The following SUGCT variants were observed in gnomAD, a reference collection of about 807,000 sequenced individuals.
SUGCT encodes succinyl-CoA:glutarate-CoA transferase.
Under a neutral mutation model 55.0 loss-of-function variants are expected in SUGCT, and 41 were observed. The observed-to-expected ratio is 0.74, with a 90% confidence interval of 0.58 to 0.97. SUGCT has a LOEUF of 0.97. Among genes scored for constraint, SUGCT ranks in the 50% least tolerant of loss-of-function variants. SUGCT has a pLI of 0.00. For missense variants in SUGCT, 568 were observed against 547.8 expected (o/e 1.04, Z -0.37); for synonymous variants, 187 against 200.4 (o/e 0.93, Z 0.56).
At chr7:40,903,922 T>C in the SUGCT span, among the ~76,000 whole-genome samples, 2 of 152,266 alleles carry the variant, frequency 1.3e-5, no homozygotes, top group South Asian at 2.1e-4. Context: ...CAGCACTTGA[T>C]ATATTTGGGA....
chr7:40,217,314 G>C (rs550560085), intron 6 of SUGCT: 2 of 334,874 alleles, frequency 6.0e-6, no homozygotes, highest in South Asian at 4.3e-5. Flanking sequence ...GGACTCAAGT[G>C]ATCCTCCCAC....
At chr7:40,848,545 T>A (rs564104545) in intron 13 of SUGCT, among the ~76,000 whole-genome samples, 1 of 151,834 alleles carries the variant, frequency 6.6e-6, no homozygotes, top group African/African-American at 2.4e-5. Flanking sequence ...CTGATGACTA[T>A]CAAAGGGTCA....
At chr7:40,931,432 C>T in the SUGCT span, among the ~76,000 whole-genome samples, 1 of 152,228 alleles carries the variant, frequency 6.6e-6, no homozygotes, top group South Asian at 2.1e-4. Flanking sequence ...TGATGCTGGC[C>T]TCATAAAATG....
chr7:40,548,186 C>CTTTTTTTTTT (rs1186226631), intron 12 of SUGCT, among the ~76,000 whole-genome samples: 161 of 104,914 alleles, frequency 1.5e-3, no homozygotes, highest in African/African-American at 2.2e-3. Context: ...TTCTTTCTTT[C>CTTTTTTTTTT]TTTTTTTTTT....
the SUGCT span, among the ~76,000 whole-genome samples, chr7:41,003,181 T>C: frequency 6.6e-6 from 1 of 152,162 alleles, no homozygotes; most frequent in Non-Finnish European, 1.5e-5. Flanking sequence ...TTCTGACATC[T>C]AAGTCCTTAG....
chr7:40,727,359 A>C (rs1786663096), intron 12 of SUGCT, among the ~76,000 whole-genome samples: 2 of 152,154 alleles, frequency 1.3e-5, no homozygotes, highest in Admixed American at 1.3e-4. Flanking sequence ...CATTTTGGAA[A>C]CTGTTTGCCA....
intron 12 of SUGCT, among the ~76,000 whole-genome samples, chr7:40,747,505 T>C (rs17438725): frequency 0.088 from 13,343 of 152,268 alleles, 703 homozygotes; most frequent in Middle Eastern, 0.16. Flanking sequence ...AAGGTAGATA[T>C]GCAAATCTTG....
At chr7:40,672,813 A>C (rs967768187) in intron 12 of SUGCT, among the ~76,000 whole-genome samples, 1 of 152,228 alleles carries the variant, frequency 6.6e-6, no homozygotes, top group Non-Finnish European at 1.5e-5. Context: ...CAATAATTTT[A>C]ATTTCATTTA....
At chr7:40,533,445 CA>C (rs1364220399) in intron 12 of SUGCT, among the ~76,000 whole-genome samples, 1 of 151,684 alleles carries the variant, frequency 6.6e-6, no homozygotes, top group Non-Finnish European at 1.5e-5. Flanking sequence ...TATATAAATC[CA>C]AAATCTTGTT....
chr7:40,517,191 C>T (rs1467502302), intron 12 of SUGCT, among the ~76,000 whole-genome samples: 3 of 147,296 alleles, frequency 2.0e-5, no homozygotes, highest in Non-Finnish European at 4.5e-5. Context: ...TTGTATCTTT[C>T]TATCATGCTA....
the SUGCT span, among the ~76,000 whole-genome samples, chr7:41,009,806 C>G: frequency 1.7e-3 from 254 of 152,264 alleles, no homozygotes; most frequent in African/African-American, 4.6e-3. Context: ...TTAACAAGTA[C>G]CCCAGATGTG....
intron 11 of SUGCT, among the ~76,000 whole-genome samples, chr7:40,482,708 G>GT (rs1554348146): frequency 1.3e-5 from 2 of 152,164 alleles, no homozygotes; most frequent in Non-Finnish European, 2.9e-5. Flanking sequence ...CCAAACCATT[G>GT]TAATATGTGA....
chr7:40,697,236 T>C (rs1784972990), intron 12 of SUGCT, among the ~76,000 whole-genome samples: 1 of 152,196 alleles, frequency 6.6e-6, no homozygotes, highest in South Asian at 2.1e-4. Flanking sequence ...ATGACTCTTT[T>C]CTGTTTATAA....
intron 12 of SUGCT, among the ~76,000 whole-genome samples, chr7:40,599,619 T>C (rs1798191719): frequency 6.6e-6 from 1 of 152,192 alleles, no homozygotes; most frequent in South Asian, 2.1e-4. Context: ...TTACTCCTTG[T>C]AGAAACAAAC....
chr7:40,463,510 C>T (rs1357911030), intron 11 of SUGCT, among the ~76,000 whole-genome samples: 1 of 152,136 alleles, frequency 6.6e-6, no homozygotes, highest in African/African-American at 2.4e-5. Context: ...AGGTGATTCT[C>T]CTATGAAAAG....
At chr7:40,967,990 A>C in the SUGCT span, 2 of 152,204 alleles carry the variant, frequency 1.3e-5, no homozygotes, top group African/African-American at 4.8e-5. Context: ...TAACCTGTGG[A>C]TCATAATTTT....
At chr7:40,248,931 CT>C (rs1477480954) in intron 7 of SUGCT, among the ~76,000 whole-genome samples, 3 of 59,470 alleles carry the variant, frequency 5.0e-5, no homozygotes, top group African/African-American at 8.1e-5. Flanking sequence ...CACACTCCCT[CT>C]CTCTCTGTCT....
chr7:40,898,612 T>G, the SUGCT span, among the ~76,000 whole-genome samples: 3 of 151,336 alleles, frequency 2.0e-5, no homozygotes, highest in Non-Finnish European at 4.4e-5. Context: ...TAGTCCTAGC[T>G]ACGGGGGAAG....
At chr7:40,494,974 C>T (rs1256883721) in intron 11 of SUGCT, among the ~76,000 whole-genome samples, 3 of 151,846 alleles carry the variant, frequency 2.0e-5, no homozygotes, top group Admixed American at 6.6e-5. Flanking sequence ...TGCGATGGTG[C>T]GACCTCACTC....
Sources: allele counts gnomAD v4.1 joint callset (sites outside exome capture counted in the v4.1 genomes callset), GRCh38; gene constraint gnomAD v4.1.1; transcripts MANE v1.5; gene names NCBI Gene and HGNC (gene_info 2026-07-23, HGNC 2026-07-21).